Variants in SRRM4 observed in about 807,000 individuals in gnomAD.
SRRM4 encodes the protein serine/arginine repetitive matrix 4, also known as serine/arginine repetitive matrix protein 4.
A neutral mutation model predicts 68.9 loss-of-function variants in SRRM4; 33 were observed. That is an observed-to-expected ratio of 0.48 (90% CI 0.36 to 0.64). The LOEUF (loss-of-function observed/expected upper bound fraction) is 0.64, where lower values mean the gene tolerates loss of function less well. Ranked by LOEUF, SRRM4 falls within the 30% of genes least tolerant of loss-of-function variation. The probability of loss-of-function intolerance (pLI) is 0.00; values close to 1 mark genes in which losing one functional copy is unlikely to be tolerated. For missense variants in SRRM4, 817 were observed against 827.1 expected (o/e 0.99, Z 0.15); for synonymous variants, 318 against 318.8 (o/e 1.00, Z 0.03).
rs146103223 is a variant in SRRM4, at chr12:119,021,041, T to C, written c.131+39028T>C. Among the ~76,000 whole-genome samples, 476 of 152,298 alleles carry C rather than the reference T, an allele frequency of 3.1e-3. 13 individuals are homozygous for C. The East Asian group carries it at 0.046, about 15-fold the overall frequency. ...TGACTTGACCTGTGATTCCTCTTTC[T>C]GAGCCTTAGTTTCCTCAAAACCCAG... On this transcript the variant is annotated intron_variant, in intron 1 of 12. Transcript: ENST00000267260.
chr12:119,092,963 A>G (rs541398875), intron 1 of SRRM4, among the ~76,000 whole-genome samples: 53 of 151,984 alleles, frequency 3.5e-4, no homozygotes, highest in Non-Finnish European at 6.0e-4. Flanking sequence ...ACTGCATTCC[A>G]TATGTTCCTG....
intron 1 of SRRM4, among the ~76,000 whole-genome samples, chr12:118,988,579 A>G (rs1260773247): frequency 6.6e-6 from 1 of 152,220 alleles, no homozygotes; most frequent in Admixed American, 6.5e-5. Flanking sequence ...CAAATGTGGA[A>G]GATAAAATTA....
At chr12:119,053,343 AAAT>A in intron 1 of SRRM4, among the ~76,000 whole-genome samples, 1 of 152,342 alleles carries the variant, frequency 6.6e-6, no homozygotes, top group South Asian at 2.1e-4. Flanking sequence ...CCAATTGCAA[AAAT>A]AATAATAAGC....
chr12:119,120,047 C>T (rs1413085594), intron 4 of SRRM4, among the ~76,000 whole-genome samples: 1 of 144,300 alleles, frequency 6.9e-6, no homozygotes, highest in African/African-American at 2.6e-5. Flanking sequence ...ATGCTGATAC[C>T]TTCATACCAG....
At chr12:119,051,383 G>A (rs1953741417) in intron 1 of SRRM4, among the ~76,000 whole-genome samples, 1 of 152,158 alleles carries the variant, frequency 6.6e-6, no homozygotes, top group Non-Finnish European at 1.5e-5. Flanking sequence ...CTCTACTGGG[G>A]GAAAAAAGCA....
intron 9 of SRRM4, 40 bp downstream of exon 9, chr12:119,145,725 A>C: frequency 1.4e-6 from 2 of 1,437,002 alleles, no homozygotes; most frequent in Non-Finnish European, 1.8e-6. Flanking sequence ...ACGGTCTCCC[A>C]CCTTAGCTCC....
intron 1 of SRRM4, among the ~76,000 whole-genome samples, chr12:119,022,456 A>G (rs1025139411): frequency 6.6e-6 from 1 of 152,202 alleles, no homozygotes; most frequent in Non-Finnish European, 1.5e-5. Flanking sequence ...CACATCCACA[A>G]ATCAGCACAA....
At chr12:119,013,786 A>G (rs191908133) in intron 1 of SRRM4, among the ~76,000 whole-genome samples, 206 of 152,298 alleles carry the variant, frequency 1.4e-3, no homozygotes, top group African/African-American at 4.6e-3. Context: ...AACAAACAGT[A>G]CTACTGTAAA....
At chr12:119,103,224 A>G (rs1028125386) in intron 2 of SRRM4, among the ~76,000 whole-genome samples, 2 of 151,720 alleles carry the variant, frequency 1.3e-5, no homozygotes, top group Non-Finnish European at 2.9e-5. Flanking sequence ...AACTGGAGTC[A>G]TTTTTTTTCT....
In SRRM4 at chr12:119,015,237, C is replaced by T. The variant is rs73405984; in HGVS notation, c.131+33224C>T. Among the ~76,000 whole-genome samples, 355 of 152,274 alleles carry T rather than the reference C, an allele frequency of 2.3e-3. 2 individuals carry two copies. The highest frequency in any genetic ancestry group is 8.2e-3 in the African/African-American group (340 of 41,530). On this transcript the variant is annotated intron_variant, in intron 1 of 12. Transcript: ENST00000267260. ...AATCAATCCGCCAGCAGGTCTATCA[C>T]TTATAAATAAAGCCAGAATCCCTTT...
chr12:119,104,164 T>C (rs1324740252), intron 2 of SRRM4, among the ~76,000 whole-genome samples: 3 of 152,120 alleles, frequency 2.0e-5, no homozygotes, highest in Non-Finnish European at 4.4e-5. Context: ...ATTCTCAAGG[T>C]CAGGATGAGG....
intron 12 of SRRM4, 50 bp from the exon 13 acceptor site, chr12:119,156,445 G>C (rs1250577655): frequency 1.3e-6 from 2 of 1,523,600 alleles, no homozygotes. Context: ...CTCGCTGCGG[G>C]GAGGCACGGA....
At chr12:119,095,351 G>A (rs1423045767) in intron 1 of SRRM4, among the ~76,000 whole-genome samples, 1 of 152,166 alleles carries the variant, frequency 6.6e-6, no homozygotes, top group Non-Finnish European at 1.5e-5. Flanking sequence ...CAGAGTGTGG[G>A]TGTCTGGCAA....
At chr12:119,023,742 C>A (rs553244300) in intron 1 of SRRM4, among the ~76,000 whole-genome samples, 18 of 152,340 alleles carry the variant, frequency 1.2e-4, no homozygotes, top group Non-Finnish European at 2.1e-4. Context: ...CCACCTTCTA[C>A]ATAAACTCAT....
At chr12:119,136,034 A>T (rs1485056624) in intron 8 of SRRM4, among the ~76,000 whole-genome samples, 1 of 152,154 alleles carries the variant, frequency 6.6e-6, no homozygotes. Context: ...TGTGAAAAAA[A>T]GTATCCCAAT....
At chr12:119,071,838 CTT>C (rs1427735094) in intron 1 of SRRM4, among the ~76,000 whole-genome samples, 1 of 152,228 alleles carries the variant, frequency 6.6e-6, no homozygotes, top group East Asian at 1.9e-4. Flanking sequence ...CTCCATCAGA[CTT>C]TGAAATCTCT....
At chr12:119,117,269 G>A (rs939831753) in intron 4 of SRRM4, among the ~76,000 whole-genome samples, 7 of 152,156 alleles carry the variant, frequency 4.6e-5, no homozygotes, top group African/African-American at 1.7e-4. Flanking sequence ...TGAGCAAGGG[G>A]CTAGAACAAG....
chr12:118,993,123 T>C (rs1237796970), intron 1 of SRRM4, among the ~76,000 whole-genome samples: 1 of 152,164 alleles, frequency 6.6e-6, no homozygotes, highest in Non-Finnish European at 1.5e-5. Flanking sequence ...AAACTGAGGC[T>C]CGAGGTCTTA....
In SRRM4 at chr12:119,130,821, C is replaced by T. The variant is rs1034003044; in HGVS notation, c.758C>T (p.Ser253Leu). Residue 253 changes from serine (S) to leucine (L), a missense_variant, in exon 8 of 13, where the codon TCA (serine) becomes TTA (leucine). By Grantham distance (145) the Ser-to-Leu change is moderately radical. Transcript: ENST00000267260. ...CCCCTCCAGATGCTTGGCTACCTGTCAGCCAGGGGTGTAGTAAGTATTCTT... is the reference window on the plus strand; with the variant it reads ...CCCCTCCAGATGCTTGGCTACCTGTTAGCCAGGGGTGTAGTAAGTATTCTT... The part of the protein sequence containing the change: ...SQPLQMLGYL[S>L]ARGVITGSGS... The T allele has an allele frequency of 1.2e-6, 2 of 1,604,904 alleles. No individual in the cohort carries two copies. The highest frequency in any genetic ancestry group is 1.3e-5 in the African/African-American group (1 of 74,934).
Sources: allele counts gnomAD v4.1 joint callset (sites outside exome capture counted in the v4.1 genomes callset), GRCh38; gene constraint gnomAD v4.1.1; transcripts MANE v1.5; gene names NCBI Gene and HGNC (gene_info 2026-07-23, HGNC 2026-07-21).